PLCG2: variants seen among roughly 807,000 people sequenced by gnomAD.
PLCG2 encodes phospholipase C gamma 2, also known as 1-phosphatidylinositol 4,5-bisphosphate phosphodiesterase gamma-2.
A neutral mutation model predicts 175.6 loss-of-function variants in PLCG2; 69 were observed. The observed-to-expected ratio is 0.39, with a 90% CI of 0.32 to 0.48. The LOEUF (loss-of-function observed/expected upper bound fraction) is 0.48. Ranked by LOEUF, PLCG2 falls within the 20% of genes least tolerant of loss-of-function variation. The pLI is 0.91. For missense variants in PLCG2, 1,798 were observed against 1,650.9 expected (o/e 1.09, Z -1.54); for synonymous variants, 827 against 624.0 (o/e 1.33, Z -4.85).
At chr16:81,860,206 C>T (rs1906912032) in intron 5 of PLCG2, among the ~76,000 whole-genome samples, 1 of 137,156 alleles carries the variant, frequency 7.3e-6, no homozygotes, top group South Asian at 2.3e-4. Context: ...GAAGTCTTAC[C>T]CAGACATTTT....
intron 8 of PLCG2, among the ~76,000 whole-genome samples, chr16:81,882,337 G>C (rs1042696585): frequency 6.6e-5 from 10 of 152,082 alleles, no homozygotes; most frequent in Admixed American, 5.9e-4. Flanking sequence ...CCTAACCTCT[G>C]CTTGGTCCAG....
chr16:81,841,123 G>A (rs941755353), intron 2 of PLCG2, among the ~76,000 whole-genome samples: 14 of 152,310 alleles, frequency 9.2e-5, no homozygotes, highest in African/African-American at 2.9e-4. Flanking sequence ...CAGCGCAGTG[G>A]CAACAACTCT....
At chr16:81,855,600 T>C (rs1906643358) in intron 3 of PLCG2, among the ~76,000 whole-genome samples, 1 of 152,242 alleles carries the variant, frequency 6.6e-6, no homozygotes, top group African/African-American at 2.4e-5. Flanking sequence ...GAATGGGACC[T>C]GGTGCCGCCT....
chr16:81,790,946 G>T (rs941751318), intron 2 of PLCG2, among the ~76,000 whole-genome samples: 3 of 152,160 alleles, frequency 2.0e-5, no homozygotes, highest in Non-Finnish European at 4.4e-5. Flanking sequence ...AAACGTGTCA[G>T]TGGTGCAGGG....
chr16:81,858,482 GTCT>G, intron 4 of PLCG2, 126 bp downstream of exon 4: 4 of 711,208 alleles, frequency 5.6e-6, no homozygotes, highest in Non-Finnish European at 7.7e-6. Flanking sequence ...CTCGTTGAGT[GTCT>G]TGTATGCAAT....
intron 2 of PLCG2, among the ~76,000 whole-genome samples, chr16:81,828,373 G>A (rs1259465193): frequency 6.7e-6 from 1 of 149,330 alleles, no homozygotes; most frequent in African/African-American, 2.5e-5. Context: ...AGCCTCCTGG[G>A]ACTACAGGTG....
intron 5 of PLCG2, among the ~76,000 whole-genome samples, chr16:81,865,110 T>C (rs62046681): frequency 0.12 from 17,704 of 152,100 alleles, 1,187 homozygotes; most frequent in Non-Finnish European, 0.16. Context: ...GCACACCTGA[T>C]GGGGAGCTCT....
intron 3 of PLCG2, among the ~76,000 whole-genome samples, chr16:81,855,683 G>C (rs1906648411): frequency 6.6e-6 from 1 of 152,184 alleles, no homozygotes; most frequent in African/African-American, 2.4e-5. Flanking sequence ...GCATGATACA[G>C]TGTGCTGTGA....
intron 2 of PLCG2, among the ~76,000 whole-genome samples, chr16:81,853,168 T>G (rs2143469984): frequency 6.6e-6 from 1 of 152,090 alleles, no homozygotes; most frequent in African/African-American, 2.4e-5. Context: ...CCATCTCTAC[T>G]AAAAATACAA....
At chr16:81,758,360 C>T (rs986303985) in intron 2 of PLCG2, among the ~76,000 whole-genome samples, 1 of 152,114 alleles carries the variant, frequency 6.6e-6, no homozygotes, top group African/African-American at 2.4e-5. Context: ...GAGTAATATT[C>T]CATTTTATGG....
intron 7 of PLCG2, among the ~76,000 whole-genome samples, chr16:81,876,020 TTTTTTTTTTTTTTTTTTG>T (rs1177566823): frequency 9.6e-6 from 1 of 104,622 alleles, no homozygotes; most frequent in Non-Finnish European, 2.1e-5. Context: ...TTCTTTCTTT[TTTTTTTTTTTTTTTTTTG>T]TTTTTGAGAC....
intron 2 of PLCG2, among the ~76,000 whole-genome samples, chr16:81,832,069 C>T (rs947198940): frequency 6.6e-6 from 1 of 151,384 alleles, no homozygotes; most frequent in African/African-American, 2.4e-5. Flanking sequence ...TGGGCTTTGT[C>T]GTCCTCCGGC....
At chr16:81,745,903 C>T (rs540458089) in intron 1 of PLCG2, among the ~76,000 whole-genome samples, 1 of 152,342 alleles carries the variant, frequency 6.6e-6, no homozygotes, top group Admixed American at 6.5e-5. Context: ...AGCCTCCTGG[C>T]TGTCATACAG....
chr16:81,907,874 T>G, intron 16 of PLCG2, 100 bp downstream of exon 16: 4 of 778,026 alleles, frequency 5.1e-6, no homozygotes, highest in Non-Finnish European at 6.5e-6. Flanking sequence ...TCTGGCCGGC[T>G]GGCAAGGGGA....
intron 2 of PLCG2, among the ~76,000 whole-genome samples, chr16:81,772,655 C>T (rs866486132): frequency 7.1e-6 from 1 of 140,116 alleles, no homozygotes; most frequent in Admixed American, 7.1e-5. Flanking sequence ...ACTAAAAATA[C>T]AAAAAAAAAA....
intron 5 of PLCG2, among the ~76,000 whole-genome samples, chr16:81,866,418 G>T (rs1907238247): frequency 1.2e-5 from 1 of 83,820 alleles, no homozygotes; most frequent in African/African-American, 3.7e-5. Context: ...TTGCTCCCAG[G>T]ATGAGCTCCA....
intron 2 of PLCG2, among the ~76,000 whole-genome samples, chr16:81,841,562 GT>G (rs943543209): frequency 2.6e-5 from 4 of 151,932 alleles, no homozygotes; most frequent in African/African-American, 7.3e-5. Flanking sequence ...TTTTTGCAAA[GT>G]TTTTTTTCAG....
chr16:81,817,466 G>A (rs1432278565), intron 2 of PLCG2, among the ~76,000 whole-genome samples: 1 of 152,190 alleles, frequency 6.6e-6, no homozygotes, highest in African/African-American at 2.4e-5. Context: ...GTCTTGAGGG[G>A]TGCTGCGCAA....
chr16:81,924,915 A>C (rs1039558746), intron 22 of PLCG2, among the ~76,000 whole-genome samples: 1 of 152,150 alleles, frequency 6.6e-6, no homozygotes, highest in Non-Finnish European at 1.5e-5. Context: ...AAGTCCCTCC[A>C]CTCGAAGTGG....
Sources: gnomAD v4.1 joint callset for allele counts (sites outside exome capture counted in the v4.1 genomes callset) on GRCh38, gnomAD v4.1.1 for gene constraint, MANE v1.5 for transcripts, NCBI Gene and HGNC (gene_info 2026-07-23, HGNC 2026-07-21) for gene names.